The following SNTG1 variants were observed in gnomAD, a reference collection of about 807,000 sequenced individuals.
The protein encoded by SNTG1 is syntrophin gamma 1.
Under a neutral mutation model 74.7 loss-of-function variants are expected in SNTG1, and 39 were observed. The observed-to-expected ratio is 0.52, with a 90% CI of 0.40 to 0.68. SNTG1 has a LOEUF of 0.68. Ranked by LOEUF, SNTG1 falls within the 30% of genes least tolerant of loss-of-function variation. The probability of loss-of-function intolerance (pLI) is 0.00; values close to 1 mark genes in which losing one functional copy is unlikely to be tolerated. For synonymous variants in SNTG1, 254 were observed against 217.1 expected, an observed-to-expected ratio of 1.17 and a Z score of -1.49; for missense variants, 685 against 609.5, an observed-to-expected ratio of 1.12 and a Z score of -1.30.
chr8:50,742,859 G>T (rs970748753), intron 17 of SNTG1, among the ~76,000 whole-genome samples: 1 of 151,750 alleles, frequency 6.6e-6, no homozygotes, highest in African/African-American at 2.4e-5. Flanking sequence ...TGATAATATT[G>T]TAAAAATAAA....
intron 1 of SNTG1, among the ~76,000 whole-genome samples, chr8:49,926,158 A>G (rs1807007024): frequency 6.6e-6 from 1 of 152,142 alleles, no homozygotes; most frequent in African/African-American, 2.4e-5. Flanking sequence ...TTAATGTAAA[A>G]TTTAAACAAA....
Position 50,584,179 on chromosome 8 carries a change from A to G in SNTG1, c.811-6700A>G, listed in dbSNP as rs534559474. 9.2e-5 allele frequency among the ~76,000 whole-genome samples: 14 copies of G among 152,232 alleles called. 1 individual carries two copies. The South Asian group carries it at 2.7e-3, about 29-fold the overall frequency. On this transcript the variant is annotated intron_variant, in intron 12 of 18. Coordinates refer to ENST00000642720, the MANE Select transcript of SNTG1 (RefSeq NM_018967.5). ...TCTTAATCCAGTCTATCATTGATGG[A>G]CATTAGGGTTGGTTCCAAGTCTTTG...
At chr8:50,206,843 G>T (rs2084266665) in intron 2 of SNTG1, among the ~76,000 whole-genome samples, 2 of 152,044 alleles carry the variant, frequency 1.3e-5, no homozygotes, top group Non-Finnish European at 1.5e-5. Flanking sequence ...TTTGTCTTTG[G>T]TTCTGTTTAT....
intron 15 of SNTG1, among the ~76,000 whole-genome samples, chr8:50,667,555 T>A (rs2095256559): frequency 6.6e-6 from 1 of 152,118 alleles, no homozygotes; most frequent in South Asian, 2.1e-4. Context: ...TTTATAAAGC[T>A]AATAAACCCA....
rs547788838 is a variant in SNTG1, at chr8:50,314,947, G to A, written c.-27-79265G>A. 2.1e-3 allele frequency among the ~76,000 whole-genome samples: 319 copies of A among 149,400 alleles called. 27 individuals carry two copies. The highest frequency in any genetic ancestry group is 7.2e-3 in the African/African-American group (288 of 40,046). ...CAAGACAATGTGTTACAGTTTTTAC[G>A]CCCCTTATGGTACTGGTTCTAACTA... On this transcript the variant is annotated intron_variant, in intron 2 of 18. Transcript: ENST00000642720.
chr8:50,193,428 A>C (rs1364608982), intron 2 of SNTG1, among the ~76,000 whole-genome samples: 2 of 151,878 alleles, frequency 1.3e-5, no homozygotes, highest in Non-Finnish European at 2.9e-5. Flanking sequence ...TTGTTTTTGC[A>C]GCTATAGTAA....
At chr8:50,546,654 T>C (rs921930724) in intron 11 of SNTG1, among the ~76,000 whole-genome samples, 14 of 151,844 alleles carry the variant, frequency 9.2e-5, no homozygotes, top group African/African-American at 3.4e-4. Flanking sequence ...GTCCTTGTGG[T>C]AGTTTGCTGA....
chr8:50,396,155 T>C (rs1329885661), intron 3 of SNTG1, among the ~76,000 whole-genome samples: 1 of 152,238 alleles, frequency 6.6e-6, no homozygotes, highest in African/African-American at 2.4e-5. Flanking sequence ...ATACTAGCTC[T>C]TGTAAATTAG....
chr8:50,296,743 A>C (rs1355153498), intron 2 of SNTG1, among the ~76,000 whole-genome samples: 1 of 152,174 alleles, frequency 6.6e-6, no homozygotes, highest in East Asian at 1.9e-4. Flanking sequence ...ACAAACCTGA[A>C]TGTTCTGCAC....
chr8:50,226,272 A>G (rs940511533), intron 2 of SNTG1, among the ~76,000 whole-genome samples: 1 of 152,190 alleles, frequency 6.6e-6, no homozygotes, highest in Non-Finnish European at 1.5e-5. Context: ...AACCCTATAT[A>G]TCATGACTCA....
At chr8:50,584,148 A>G (rs1433062896) in intron 12 of SNTG1, among the ~76,000 whole-genome samples, 1 of 152,134 alleles carries the variant, frequency 6.6e-6, no homozygotes, top group African/African-American at 2.4e-5. Context: ...TATATATGCC[A>G]TATTTTCTTA....
chr8:50,324,307 G>A (rs920944132), intron 2 of SNTG1, among the ~76,000 whole-genome samples: 31 of 152,350 alleles, frequency 2.0e-4, no homozygotes, highest in African/African-American at 7.5e-4. Flanking sequence ...AAGATGCACA[G>A]ATTCTGTCTC....
intron 3 of SNTG1, among the ~76,000 whole-genome samples, chr8:50,400,315 T>A (rs766648535): frequency 6.6e-6 from 1 of 152,204 alleles, no homozygotes; most frequent in African/African-American, 2.4e-5. Flanking sequence ...TCCATCCTTA[T>A]CTATGTTGTT....
At chr8:50,635,770 T>C (rs150583417) in intron 13 of SNTG1, among the ~76,000 whole-genome samples, 42 of 152,266 alleles carry the variant, frequency 2.8e-4, no homozygotes, top group Admixed American at 5.2e-4. Flanking sequence ...ATGAGCCCAC[T>C]TGATGCTCTA....
At chr8:50,779,377 A>C (rs1000935848) in intron 18 of SNTG1, among the ~76,000 whole-genome samples, 4 of 151,930 alleles carry the variant, frequency 2.6e-5, no homozygotes, top group African/African-American at 7.3e-5. Flanking sequence ...CTTTTATTTC[A>C]TCGAGCAGTG....
At chr8:50,014,897 C>T (rs1816166115) in intron 1 of SNTG1, among the ~76,000 whole-genome samples, 1 of 151,328 alleles carries the variant, frequency 6.6e-6, no homozygotes, top group Non-Finnish European at 1.5e-5. Flanking sequence ...AAAGAAAAAA[C>T]AGCTACAAGA....
At chr8:50,641,811 C>G (rs531417689) in intron 13 of SNTG1, among the ~76,000 whole-genome samples, 88 of 152,238 alleles carry the variant, frequency 5.8e-4, no homozygotes, top group African/African-American at 2.0e-3. Flanking sequence ...TTGTGGTTCT[C>G]TCCTCTTCTC....
chr8:50,697,337 C>A (rs1159504130), intron 15 of SNTG1, among the ~76,000 whole-genome samples: 1 of 152,016 alleles, frequency 6.6e-6, no homozygotes, highest in African/African-American at 2.4e-5. Flanking sequence ...GTGTAGTCTT[C>A]AGATTTTTTG....
At chr8:50,222,046 T>A (rs1012614962) in intron 2 of SNTG1, among the ~76,000 whole-genome samples, 3 of 152,122 alleles carry the variant, frequency 2.0e-5, no homozygotes, top group African/African-American at 7.2e-5. Context: ...CTTCATGCAC[T>A]GAGGCCACTT....
Sources: gnomAD v4.1 joint callset for allele counts (sites outside exome capture counted in the v4.1 genomes callset) on GRCh38, gnomAD v4.1.1 for gene constraint, MANE v1.5 for transcripts, NCBI Gene and HGNC (gene_info 2026-07-23, HGNC 2026-07-21) for gene names.